Variants in TENM2 observed in about 807,000 individuals in gnomAD.
TENM2 encodes the protein teneurin-2.
A neutral mutation model predicts 245.2 loss-of-function variants in TENM2; 52 were observed. The observed-to-expected ratio is 0.21, with a 90% CI of 0.17 to 0.27. TENM2 has a LOEUF of 0.27. Ranked by LOEUF, TENM2 falls within the 10% of genes least tolerant of loss-of-function variation. TENM2 has a pLI of 1.00. For synonymous variants in TENM2, 1,363 were observed against 1,438.9 expected (o/e 0.95, Z 1.19); for missense variants, 3,046 against 3,666.8 (o/e 0.83, Z 4.37).
At position 167,419,313 on chromosome 5, in the gene TENM2, T is replaced by C. The variant is rs573328725; in HGVS notation, c.502+43840T>C. Reference sequence around the variant, plus strand: ...CCCACCTCTACTAAAAATACAAAAATTAGATGGGCATGGTGGCTCATGCCT... The same window carrying C: ...CCCACCTCTACTAAAAATACAAAAACTAGATGGGCATGGTGGCTCATGCCT... On this transcript the variant is annotated intron_variant, in intron 2 of 28. Coordinates refer to ENST00000518659, the Ensembl canonical transcript of TENM2. 6.6e-4 allele frequency among the ~76,000 whole-genome samples: 100 copies of C among 152,078 alleles called. 1 individual carries two copies. The highest frequency in any genetic ancestry group is 2.3e-3 in the African/African-American group (94 of 41,498).
chr5:167,571,656 T>C (rs539418334), intron 2 of TENM2, among the ~76,000 whole-genome samples: 1 of 152,340 alleles, frequency 6.6e-6, no homozygotes, highest in East Asian at 1.9e-4. Context: ...TCTCTCCTTT[T>C]GTCTGCTTTG....
At chr5:167,341,436 G>GC (rs547227520) in intron 1 of TENM2, among the ~76,000 whole-genome samples, 103 of 152,046 alleles carry the variant, frequency 6.8e-4, no homozygotes, top group African/African-American at 2.4e-3. Context: ...GAATTATCTA[G>GC]TACTTTGGCA....
chr5:167,281,862 T>C (rs949959733), upstream of TENM2, among the ~76,000 whole-genome samples: 2 of 151,768 alleles, frequency 1.3e-5, no homozygotes, highest in African/African-American at 2.4e-5. Context: ...TAGCCAAGTG[T>C]GGTGGTGGGT....
At chr5:167,551,867 A>C (rs776631309) in intron 2 of TENM2, among the ~76,000 whole-genome samples, 28 of 152,268 alleles carry the variant, frequency 1.8e-4, no homozygotes, top group Non-Finnish European at 4.0e-4. Flanking sequence ...GCAGTACTTG[A>C]ATCATGAAGT....
chr5:167,828,345 C>A (rs1002337036), intron 2 of TENM2, among the ~76,000 whole-genome samples: 10 of 152,174 alleles, frequency 6.6e-5, no homozygotes, highest in African/African-American at 2.4e-4. Flanking sequence ...TTTCCCCCAA[C>A]CCCATCCCCA....
the TENM2 span, among the ~76,000 whole-genome samples, chr5:167,241,501 G>A: frequency 6.6e-6 from 1 of 152,202 alleles, no homozygotes; most frequent in African/African-American, 2.4e-5. Flanking sequence ...AGGCAGACAG[G>A]CAAAGAGAGA....
At chr5:167,857,738 A>C (rs1434006540) in intron 2 of TENM2, among the ~76,000 whole-genome samples, 1 of 152,228 alleles carries the variant, frequency 6.6e-6, no homozygotes, top group East Asian at 1.9e-4. Flanking sequence ...TAATTATTTT[A>C]CACATACTGC....
intron 2 of TENM2, among the ~76,000 whole-genome samples, chr5:167,602,100 G>T (rs1046756526): frequency 6.6e-6 from 1 of 151,596 alleles, no homozygotes; most frequent in African/African-American, 2.4e-5. Flanking sequence ...ATACTGCTAT[G>T]ATCATTAAAG....
At chr5:168,162,822 G>T in intron 13 of TENM2, 65 bp downstream of exon 15, 2 of 1,571,374 alleles carry the variant, frequency 1.3e-6, no homozygotes, top group Non-Finnish European at 1.7e-6. Flanking sequence ...TTTGTCATAA[G>T]TCATTTTTCT....
chr5:168,072,226 G>A (rs980363400), intron 7 of TENM2, among the ~76,000 whole-genome samples: 1 of 152,176 alleles, frequency 6.6e-6, no homozygotes, highest in Non-Finnish European at 1.5e-5. Flanking sequence ...GGCACTGAGA[G>A]GTAAAACATT....
intron 3 of TENM2, among the ~76,000 whole-genome samples, chr5:167,897,683 C>T (rs1027955450): frequency 6.6e-6 from 1 of 152,192 alleles, no homozygotes; most frequent in Non-Finnish European, 1.5e-5. Context: ...GCCATAGTCT[C>T]ATTGGCACCC....
intron 2 of TENM2, among the ~76,000 whole-genome samples, chr5:167,674,258 G>C (rs1409952793): frequency 6.6e-6 from 1 of 152,048 alleles, no homozygotes; most frequent in Non-Finnish European, 1.5e-5. Flanking sequence ...TGAATTTCCA[G>C]GATTATGCAG....
intron 14 of TENM2, among the ~76,000 whole-genome samples, chr5:168,194,111 T>C (rs1416891682): frequency 2.0e-5 from 3 of 152,178 alleles, no homozygotes; most frequent in Non-Finnish European, 4.4e-5. Flanking sequence ...TTGACAAGAT[T>C]GTGACAAAGG....
chr5:167,535,407 A>G (rs529852068), intron 2 of TENM2, among the ~76,000 whole-genome samples: 1 of 152,178 alleles, frequency 6.6e-6, no homozygotes, highest in Non-Finnish European at 1.5e-5. Flanking sequence ...AGAAAAGCCA[A>G]AGTCATAGGT....
intron 7 of TENM2, among the ~76,000 whole-genome samples, chr5:168,064,306 G>A (rs1182469654): frequency 6.6e-6 from 1 of 152,162 alleles, no homozygotes; most frequent in African/African-American, 2.4e-5. Flanking sequence ...GTAACTGTGA[G>A]CATGAATCTG....
intron 12 of TENM2, among the ~76,000 whole-genome samples, chr5:168,127,882 G>A (rs1216713407): frequency 6.6e-6 from 1 of 152,176 alleles, no homozygotes; most frequent in Non-Finnish European, 1.5e-5. Context: ...ACTACAGTTT[G>A]GCCCCTTGAA....
At chr5:167,637,583 A>G (rs903819105) in intron 2 of TENM2, among the ~76,000 whole-genome samples, 2 of 152,232 alleles carry the variant, frequency 1.3e-5, no homozygotes, top group South Asian at 4.1e-4. Flanking sequence ...ATGCCCATCA[A>G]TGATAGACTG....
At chr5:167,493,329 C>T (rs190533277) in intron 2 of TENM2, among the ~76,000 whole-genome samples, 47 of 152,116 alleles carry the variant, frequency 3.1e-4, no homozygotes, top group Admixed American at 2.1e-3. Flanking sequence ...CAATGAGAAA[C>T]ACCATCAGGC....
At chr5:167,357,855 T>C (rs985869302) in intron 1 of TENM2, among the ~76,000 whole-genome samples, 1 of 152,146 alleles carries the variant, frequency 6.6e-6, no homozygotes, top group African/African-American at 2.4e-5. Context: ...CTCCTCCTCA[T>C]CTTCAATCAG....
Sources: gnomAD v4.1 joint callset for allele counts (sites outside exome capture counted in the v4.1 genomes callset) on GRCh38, gnomAD v4.1.1 for gene constraint, MANE v1.5 for transcripts, NCBI Gene and HGNC (gene_info 2026-07-23, HGNC 2026-07-21) for gene names.